Variants in ZNF514 observed in about 807,000 individuals in gnomAD.
ZNF514 encodes the protein zinc finger protein 514.
Under a neutral mutation model 9.7 loss-of-function variants are expected in ZNF514, and 12 were observed. The ratio of observed to expected loss-of-function variants is 1.24; its 90% CI spans 0.79 to 2.01. The LOEUF is 2.01. ZNF514 is among the 30% of genes most tolerant of loss of function. The probability of loss-of-function intolerance (pLI) is 0.00; values close to 1 mark genes in which losing one functional copy is unlikely to be tolerated. For missense variants in ZNF514, 467 were observed against 465.5 expected, an observed-to-expected ratio of 1.00 and a Z score of -0.03; for synonymous variants, 158 against 163.7, an observed-to-expected ratio of 0.97 and a Z score of 0.27.
chr2:95,157,405 C>A lies in ZNF514; in HGVS notation c.-61G>T. On this transcript the variant is annotated 5_prime_UTR_variant, in exon 2 of 5. Coordinates refer to ENST00000295208, the MANE Select transcript of ZNF514 (RefSeq NM_032788.3). Reference sequence around the variant, plus strand: ...TTGTTCCCTCTTCTCCTGGGAATCTCTCTGGAGGAAGAGCAGGATTCTGAG... The same window carrying A: ...TTGTTCCCTCTTCTCCTGGGAATCTATCTGGAGGAAGAGCAGGATTCTGAG... 3 of 1,289,686 alleles carry A rather than the reference C, an allele frequency of 2.3e-6. No homozygotes were observed. Among genetic ancestry groups the A allele is most frequent in the Non-Finnish European group, 3.0e-6 (3 of 988,770 alleles). 79.9% of individuals were successfully genotyped at this position (1,289,686 alleles called of 1,614,324 possible).
At chr2:95,138,637 C>A in the ZNF514 span, among the ~76,000 whole-genome samples, 3 of 152,174 alleles carry the variant, frequency 2.0e-5, no homozygotes, top group Admixed American at 1.3e-4. Flanking sequence ...AAATACATGA[C>A]TTAAAGTTGG....
chr2:95,159,090 C>T, intron 1 of ZNF514, 150 bp downstream of exon 1: 1 of 1,130,480 alleles, frequency 8.8e-7, no homozygotes, highest in South Asian at 1.7e-5. Flanking sequence ...CAGGCTGGGG[C>T]TGCCTGGGGG....
At chr2:95,154,301 G>C (rs1673622889) in intron 2 of ZNF514, 1 of 152,242 alleles carries the variant, frequency 6.6e-6, no homozygotes, top group Non-Finnish European at 1.5e-5. Context: ...ACGTAACATG[G>C]GCAAGAGGGA....
the ZNF514 span, among the ~76,000 whole-genome samples, chr2:95,128,263 G>T: frequency 6.6e-6 from 1 of 152,058 alleles, no homozygotes; most frequent in Non-Finnish European, 1.5e-5. Flanking sequence ...GGTGGCAGGT[G>T]CCTGTAATCC....
intron 2 of ZNF514, chr2:95,154,411 G>T (rs1673626363): frequency 6.6e-6 from 1 of 152,254 alleles, no homozygotes; most frequent in South Asian, 2.1e-4. Flanking sequence ...GTGGAGTTCT[G>T]CCATAACAAA....
chr2:95,145,575 T>A lies in ZNF514; in HGVS notation c.*3707A>T, dbSNP rs941324994. Among the ~76,000 whole-genome samples the A allele has an allele frequency of 5.9e-5, 9 of 152,158 alleles. No homozygotes were observed. The highest frequency in any genetic ancestry group is 1.2e-4 in the Non-Finnish European group (8 of 68,030). On this transcript the variant is annotated 3_prime_UTR_variant, in exon 5 of 5. Transcript: ENST00000295208. ...CATTCCCTTCTATTGATTCCAGGTCTTTGGATAAACCCACTGCCAATCAGA... is the reference window on the plus strand; with the variant it reads ...CATTCCCTTCTATTGATTCCAGGTCATTGGATAAACCCACTGCCAATCAGA...
chr2:95,132,364 GA>G, the ZNF514 span, among the ~76,000 whole-genome samples: 1 of 152,050 alleles, frequency 6.6e-6, no homozygotes, highest in Admixed American at 6.6e-5. Flanking sequence ...AGACGTACAT[GA>G]AAAGATGTCC....
At chr2:95,143,825 T>A (rs1220942301), downstream of ZNF514, among the ~76,000 whole-genome samples, 2 of 152,186 alleles carry the variant, frequency 1.3e-5, no homozygotes, top group African/African-American at 4.8e-5. Context: ...GAGGGCTTGC[T>A]CCAGTAATAA....
chr2:95,151,257 C>T (rs553183497), intron 4 of ZNF514, among the ~76,000 whole-genome samples: 27 of 152,264 alleles, frequency 1.8e-4, no homozygotes, highest in African/African-American at 5.8e-4. Flanking sequence ...TGCTTAAAAT[C>T]GGAGAGCATT....
the ZNF514 span, among the ~76,000 whole-genome samples, chr2:95,127,713 G>A: frequency 3.3e-5 from 5 of 152,208 alleles, no homozygotes; most frequent in Admixed American, 3.3e-4. Flanking sequence ...CGCCTTAGTG[G>A]TTCTCCTGCC....
chr2:95,133,197 G>C, the ZNF514 span, among the ~76,000 whole-genome samples: 1 of 152,308 alleles, frequency 6.6e-6, no homozygotes, highest in East Asian at 1.9e-4. Flanking sequence ...GGCCAGGCAA[G>C]ATGGCTCATG....
At chr2:95,155,225 GAGGTATCAAAACGA>G (rs1290864346) in intron 2 of ZNF514, 1 of 152,198 alleles carries the variant, frequency 6.6e-6, no homozygotes, top group Non-Finnish European at 1.5e-5. Context: ...TGACACCAAG[GAGGTATCAAAACGA>G]AGGAACTTCC....
intron 1 of ZNF514, 167 bp downstream of exon 1, chr2:95,159,073 C>G: frequency 8.6e-7 from 1 of 1,169,190 alleles, no homozygotes; most frequent in South Asian, 1.6e-5. Flanking sequence ...GTTCAGGGAG[C>G]GGGACGCAGG....
rs771871164 is a variant in ZNF514 at position 95,145,518 on chromosome 2, T to C, written c.*3764A>G. Reference sequence around the variant, plus strand: ...CTGGCTTCATCTCACAGTAAGAACCTTGGTCTCCACAACACCTTATCTTAA... The same window carrying C: ...CTGGCTTCATCTCACAGTAAGAACCCTGGTCTCCACAACACCTTATCTTAA... On this transcript the variant is annotated 3_prime_UTR_variant, in exon 5 of 5. Coordinates refer to ENST00000295208, the MANE Select transcript of ZNF514 (RefSeq NM_032788.3). Among the ~76,000 whole-genome samples, 10 of 152,172 alleles carry C rather than the reference T, an allele frequency of 6.6e-5. No individual in the cohort carries two copies. The highest frequency in any genetic ancestry group is 1.3e-4 in the Admixed American group (2 of 15,268).
At chr2:95,139,795 G>A in the ZNF514 span, among the ~76,000 whole-genome samples, 1 of 152,146 alleles carries the variant, frequency 6.6e-6, no homozygotes, top group African/African-American at 2.4e-5. Context: ...AAATGGCTTA[G>A]ATATTTGTCC....
the ZNF514 span, among the ~76,000 whole-genome samples, chr2:95,129,201 AG>A: frequency 6.6e-6 from 1 of 152,254 alleles, no homozygotes; most frequent in African/African-American, 2.4e-5. Context: ...CAGTGAAATA[AG>A]CATAATTGGT....
chr2:95,127,823 G>A, the ZNF514 span, among the ~76,000 whole-genome samples: 1 of 152,032 alleles, frequency 6.6e-6, no homozygotes. Context: ...TGGCCAGGCT[G>A]GCCTTGAACT....
rs777158743 is a variant in ZNF514, at chr2:95,149,175, T to C, written c.*107A>G. The C allele has an allele frequency of 3.8e-6, 5 of 1,329,514 alleles. No homozygotes were observed. Among genetic ancestry groups the C allele is most frequent in the Non-Finnish European group, 5.1e-6 (5 of 981,816 alleles). 82.4% of individuals were successfully genotyped at this position (1,329,514 alleles called of 1,614,324 possible). ...TTATTGCCTGATGTGGAACAAGATG[T>C]GGTCTTCCCACATACATTACACCTT... On this transcript the variant is annotated 3_prime_UTR_variant, in exon 5 of 5. Transcript: ENST00000295208.
At chr2:95,137,509 C>T in the ZNF514 span, among the ~76,000 whole-genome samples, 6 of 152,276 alleles carry the variant, frequency 3.9e-5, no homozygotes, top group African/African-American at 1.4e-4. Flanking sequence ...AGGCTGCACA[C>T]CATCTGTCAA....
Sources: allele counts gnomAD v4.1 joint callset (sites outside exome capture counted in the v4.1 genomes callset), GRCh38; gene constraint gnomAD v4.1.1; transcripts MANE v1.5; gene names NCBI Gene and HGNC (gene_info 2026-07-23, HGNC 2026-07-21).